The following INVS variants were observed in gnomAD, a reference collection of about 807,000 sequenced individuals.
The protein encoded by INVS is inversin.
Under a neutral mutation model 108.8 loss-of-function variants are expected in INVS, and 86 were observed. The ratio of observed to expected loss-of-function variants is 0.79; its 90% CI spans 0.66 to 0.95. The LOEUF (loss-of-function observed/expected upper bound fraction) is 0.95. INVS is among the 40% of genes least tolerant of loss of function. INVS has a pLI of 0.00. For missense variants in INVS, 1,169 were observed against 1,297.4 expected, an observed-to-expected ratio of 0.90 and a Z score of 1.52; for synonymous variants, 455 against 473.5, an observed-to-expected ratio of 0.96 and a Z score of 0.51.
chr9:100,196,809 G>A (rs1347234940), intron 3 of INVS, among the ~76,000 whole-genome samples: 2 of 151,732 alleles, frequency 1.3e-5, no homozygotes, highest in Non-Finnish European at 2.9e-5. Flanking sequence ...TGCTTTAGCT[G>A]CAACTCACAA....
Position 100,111,278 on chromosome 9 carries a change from G to A in INVS, c.106+6651G>A, listed in dbSNP as rs990411217. On this transcript the variant is annotated intron_variant, in intron 2 of 16. Coordinates refer to ENST00000262457, the MANE Select transcript of INVS (RefSeq NM_014425.5). The stretch of plus-strand genomic sequence containing the variant: ...CATTGTGTTGCTGTAGCTATTGTGC[G>A]GACTAGCACAACTATAACTGCAAGT... Among the ~76,000 whole-genome samples the A allele has an allele frequency of 2.6e-5, 4 of 152,290 alleles. 1 individual carries two copies. Among genetic ancestry groups the A allele is most frequent in the South Asian group, 4.1e-4 (2 of 4,824 alleles).
chr9:100,193,617 C>A (rs913666991), intron 3 of INVS, among the ~76,000 whole-genome samples: 1 of 152,170 alleles, frequency 6.6e-6, no homozygotes, highest in Admixed American at 6.5e-5. Flanking sequence ...CCTCCCCAAG[C>A]AACCAGTGAT....
At chr9:100,243,131 C>T (rs998928478) in intron 7 of INVS, among the ~76,000 whole-genome samples, 3 of 152,024 alleles carry the variant, frequency 2.0e-5, no homozygotes, top group Admixed American at 6.6e-5. Flanking sequence ...TGTAAGAATA[C>T]TTCATCTTTA....
intron 3 of INVS, among the ~76,000 whole-genome samples, chr9:100,193,434 C>T (rs1369093400): frequency 6.6e-6 from 1 of 152,138 alleles, no homozygotes; most frequent in Non-Finnish European, 1.5e-5. Flanking sequence ...GTGCCACCAT[C>T]CCCACTATTC....
chr9:100,218,983 A>G (rs1831065661), intron 3 of INVS, among the ~76,000 whole-genome samples: 1 of 152,238 alleles, frequency 6.6e-6, no homozygotes, highest in Admixed American at 6.5e-5. Flanking sequence ...AACAAATGAA[A>G]AACAAAAATG....
chr9:100,215,478 A>AC (rs1219550954), intron 3 of INVS: 2 of 152,224 alleles, frequency 1.3e-5, no homozygotes, highest in African/African-American at 4.8e-5. Context: ...AGGAGTGTGG[A>AC]CCAGGAGGAG....
chr9:100,222,426 T>C lies in INVS; in HGVS notation c.274-3636T>C, dbSNP rs61234719. Among the ~76,000 whole-genome samples the C allele has an allele frequency of 3.9e-3, 595 of 152,330 alleles. 4 individuals are homozygous for C. Among genetic ancestry groups the C allele is most frequent in the African/African-American group, 0.014 (577 of 41,576 alleles). ...TGTGAGAAACAAAGATGAAATTATG[T>C]CAAAGAGCTTTGTAATACGTAAAAC... On this transcript the variant is annotated intron_variant, in intron 3 of 16. Transcript: ENST00000262457.
chr9:100,129,809 T>C, intron 3 of INVS: 1 of 559,716 alleles, frequency 1.8e-6, no homozygotes, highest in East Asian at 3.0e-5. Flanking sequence ...TGCAAAAGAA[T>C]ACAACCCTAA....
chr9:100,168,891 C>T (rs992250484), intron 3 of INVS, among the ~76,000 whole-genome samples: 3 of 152,162 alleles, frequency 2.0e-5, no homozygotes, highest in African/African-American at 4.8e-5. Context: ...TAACGCTATA[C>T]AAATCCAGGT....
chr9:100,144,937 G>A (rs550813909), intron 3 of INVS, among the ~76,000 whole-genome samples: 1 of 152,110 alleles, frequency 6.6e-6, no homozygotes, highest in South Asian at 2.1e-4. Flanking sequence ...ATGCCTGGAC[G>A]TCAGGCACCT....
chr9:100,236,746 G>C (rs186635218), intron 5 of INVS, among the ~76,000 whole-genome samples: 1 of 152,080 alleles, frequency 6.6e-6, no homozygotes, highest in Non-Finnish European at 1.5e-5. Context: ...GTCCCAGATG[G>C]GCAACTGCTA....
chr9:100,300,735 T>C lies in INVS; in HGVS notation c.*61T>C, dbSNP rs941375072. On this transcript the variant is annotated 3_prime_UTR_variant, in exon 17 of 17. Transcript: ENST00000262457. ...GCATAGCTAGTGCAGAGTTCAGATTTTCTGCTGATAATCTTTTACACCTTG... is the reference window on the plus strand; with the variant it reads ...GCATAGCTAGTGCAGAGTTCAGATTCTCTGCTGATAATCTTTTACACCTTG... 6 of 1,168,066 alleles carry C rather than the reference T, an allele frequency of 5.1e-6. No individual in the cohort carries two copies. In the African/African-American group the frequency reaches 9.1e-5, roughly 18 times the overall value. 72.4% of individuals were successfully genotyped at this position (1,168,066 alleles called of 1,614,324 possible).
chr9:100,224,161 G>A (rs1322161493), intron 3 of INVS, among the ~76,000 whole-genome samples: 2 of 152,224 alleles, frequency 1.3e-5, no homozygotes, highest in Non-Finnish European at 2.9e-5. Flanking sequence ...CCGCGGTGTG[G>A]ACAAGCTTGC....
chr9:100,280,828 C>T (rs1315047519), intron 12 of INVS, among the ~76,000 whole-genome samples: 2 of 152,172 alleles, frequency 1.3e-5, no homozygotes. Context: ...TGGCTCACAC[C>T]TGTAATCCCA....
At chr9:100,146,673 T>C (rs769303719) in intron 3 of INVS, among the ~76,000 whole-genome samples, 1 of 152,216 alleles carries the variant, frequency 6.6e-6, no homozygotes, top group Admixed American at 6.5e-5. Context: ...ATTTTTTAAA[T>C]GAGTCTAGAG....
intron 3 of INVS, among the ~76,000 whole-genome samples, chr9:100,198,277 T>A (rs1356891184): frequency 5.3e-5 from 2 of 37,576 alleles, no homozygotes; most frequent in Non-Finnish European, 1.2e-4. Context: ...TTTTTTTTTT[T>A]TTTTTTTTTT....
intron 3 of INVS, among the ~76,000 whole-genome samples, chr9:100,180,353 T>A (rs375905842): frequency 2.8e-5 from 4 of 142,068 alleles, no homozygotes; most frequent in African/African-American, 7.9e-5. Context: ...GGTTTTTTTT[T>A]AAAAGATTAA....
intron 3 of INVS, among the ~76,000 whole-genome samples, chr9:100,219,165 A>G (rs1831070114): frequency 6.6e-6 from 1 of 152,234 alleles, no homozygotes; most frequent in Non-Finnish European, 1.5e-5. Flanking sequence ...TCCAGAATAC[A>G]TAAAGAACTC....
rs1280290518 is a variant in INVS at position 100,269,720 on chromosome 9, GT to G, written c.1572-3138del. 3.3e-5 allele frequency among the ~76,000 whole-genome samples: 5 copies of G among 152,204 alleles called. No individual in the cohort carries two copies. The East Asian group carries it at 9.6e-4, about 29-fold the overall frequency. ...TTTTCTGCCTCATAAATCATCTGAT[GT>G]TTTTTCCTAAGACCTTTTATGGGTT... is the stretch of plus-strand genomic sequence containing the variant. On this transcript the variant is annotated intron_variant, in intron 11 of 16. Coordinates refer to ENST00000262457, the MANE Select transcript of INVS (RefSeq NM_014425.5).
Sources: allele counts gnomAD v4.1 joint callset (sites outside exome capture counted in the v4.1 genomes callset), GRCh38; gene constraint gnomAD v4.1.1; transcripts MANE v1.5; gene names NCBI Gene and HGNC (gene_info 2026-07-23, HGNC 2026-07-21).